TMEM184B: variants seen among roughly 807,000 people sequenced by gnomAD.
The protein encoded by TMEM184B is transmembrane protein 184B.
In TMEM184B, 17 loss-of-function variants were observed where a neutral mutation model predicts 41.8. That is an observed-to-expected ratio of 0.41 (90% confidence interval 0.28 to 0.61). The LOEUF (loss-of-function observed/expected upper bound fraction) is 0.61, where lower values mean the gene tolerates loss of function less well. Ranked by LOEUF, TMEM184B falls within the 20% of genes least tolerant of loss-of-function variation. The pLI is 0.34. For missense variants in TMEM184B, 393 were observed against 557.8 expected (o/e 0.70, Z 2.98); for synonymous variants, 240 against 229.5 (o/e 1.05, Z -0.41).
chr22:38,226,780 C>CA lies in TMEM184B; in HGVS notation c.615dup (p.Asp206Ter), dbSNP rs1413804330. ...CCCCGGGGAGCACCCGCTGCTTACT[C>CA]AAAGTCCCCATCCCGGTACTTGCCG... On this transcript the variant is annotated frameshift_variant and splice_region_variant, in exon 6 of 9. Coordinates refer to ENST00000361906, the MANE Select transcript of TMEM184B (RefSeq NM_012264.5). LOFTEE classifies it high-confidence loss of function. This position sits in a 1 kb window ranked among gnomAD's most constrained non-coding sequence, Gnocchi z 4.6. 6.3e-7 allele frequency: 1 copy of CA among 1,598,198 alleles called. No homozygotes were observed. Among genetic ancestry groups the CA allele is most frequent in the Admixed American group, 1.7e-5 (1 of 57,556 alleles).
At chr22:38,272,296 G>C (rs1419887700) in intron 1 of TMEM184B, among the ~76,000 whole-genome samples, 2 of 152,162 alleles carry the variant, frequency 1.3e-5, no homozygotes. Flanking sequence ...GAAGGATACA[G>C]ACACCCAAAA....
At position 38,226,533 on chromosome 22, in the gene TMEM184B, C is replaced by T. The variant is rs2091444927; in HGVS notation, c.617+246G>A. The T allele has an allele frequency of 2.2e-6, 1 of 459,196 alleles. No individual in the cohort carries two copies. The highest frequency in any genetic ancestry group is 4.1e-6 in the Non-Finnish European group (1 of 245,606). 28.4% of individuals were successfully genotyped at this position (459,196 alleles called of 1,614,324 possible). ...GTCACTGTCCCTTTGTGGCCCATCC[C>T]TTCATGGTACCACTCTGCAGCCTGG... On this transcript the variant is annotated intron_variant, in intron 6 of 8. Coordinates refer to ENST00000361906, the MANE Select transcript of TMEM184B (RefSeq NM_012264.5). This position sits in a 1 kb window ranked among gnomAD's most constrained non-coding sequence, Gnocchi z 4.6.
intron 1 of TMEM184B, among the ~76,000 whole-genome samples, chr22:38,259,616 A>G (rs559912408): frequency 3.1e-4 from 47 of 152,284 alleles, no homozygotes; most frequent in African/African-American, 1.1e-3. Flanking sequence ...GAGGCAGGGA[A>G]ATAATTCTCC....
intron 1 of TMEM184B, among the ~76,000 whole-genome samples, chr22:38,262,073 G>A (rs1432289952): frequency 2.6e-5 from 4 of 152,200 alleles, no homozygotes; most frequent in Non-Finnish European, 4.4e-5. Flanking sequence ...GAACTCCTAC[G>A]CAGCAGAGAA....
In TMEM184B at chr22:38,220,307, C is replaced by A; in HGVS notation, c.*1162G>T. On this transcript the variant is annotated 3_prime_UTR_variant, in exon 9 of 9. Coordinates refer to ENST00000361906, the MANE Select transcript of TMEM184B (RefSeq NM_012264.5). ...CACTGCAGGATCCTGCGAGTGCCAG[C>A]AGCTGAACTAAGAGCCCCAGGGAGC... is the stretch of plus-strand genomic sequence containing the variant. 1 of 986,086 alleles carries A rather than the reference C, an allele frequency of 1.0e-6. No individual in the cohort carries two copies. Among genetic ancestry groups the A allele is most frequent in the Non-Finnish European group, 1.2e-6 (1 of 830,134 alleles). The allele number at this position is 986,086 out of a possible 1,614,324, so 61.1% of individuals were successfully genotyped here. A position where few individuals can be genotyped will look rare whatever the true frequency, so the allele number is the denominator to read the frequency against.
rs920471422 is a variant in TMEM184B at position 38,226,142 on chromosome 22, T to C, written c.618-549A>G. Among the ~76,000 whole-genome samples, 114 of 151,544 alleles carry C rather than the reference T, an allele frequency of 7.5e-4. 2 individuals are homozygous for C. The highest frequency in any genetic ancestry group is 2.6e-3 in the African/African-American group (108 of 41,262). On this transcript the variant is annotated intron_variant, in intron 6 of 8. Transcript: ENST00000361906. The surrounding 1 kb of genome is among the most constrained non-coding windows in gnomAD (Gnocchi z 4.6). ...TCACCCAGGCTAGAGTGCAATGGCG[T>C]GATCTTGGCTCACCGCAACCTCTGC...
chr22:38,218,826 C>A (rs961270836), downstream of TMEM184B, among the ~76,000 whole-genome samples: 12 of 152,340 alleles, frequency 7.9e-5, no homozygotes, highest in African/African-American at 2.9e-4. Context: ...CAAGCCAGGC[C>A]CCAAGAAGGC....
At chr22:38,244,241 G>A (rs997919981) in intron 3 of TMEM184B, among the ~76,000 whole-genome samples, 5 of 152,074 alleles carry the variant, frequency 3.3e-5, no homozygotes, top group African/African-American at 9.7e-5. Flanking sequence ...AGCTGCTTGG[G>A]GGATGAGCAT....
chr22:38,225,413 A>G lies in TMEM184B; in HGVS notation c.787+11T>C. On this transcript the variant is annotated intron_variant, in intron 7 of 8. Transcript: ENST00000361906. This position sits in a 1 kb window ranked among gnomAD's most constrained non-coding sequence, Gnocchi z 4.4. ...GCATGGGCAGCCTCCAGGTGCTGGG[A>G]GGGGGCTCACCTTGCCAGAAGGAAA... 1.3e-6 allele frequency: 2 copies of G among 1,547,004 alleles called. No individual in the cohort carries two copies. The highest frequency in any genetic ancestry group is 1.2e-5 in the South Asian group (1 of 80,850).
chr22:38,268,667 C>T (rs1186677768), intron 1 of TMEM184B, among the ~76,000 whole-genome samples: 4 of 152,258 alleles, frequency 2.6e-5, no homozygotes, highest in Admixed American at 1.3e-4. Context: ...ACTCAGACCT[C>T]TGCTTTGCAT....
chr22:38,267,164 TG>T (rs1326734922), intron 1 of TMEM184B, among the ~76,000 whole-genome samples: 1 of 152,008 alleles, frequency 6.6e-6, no homozygotes, highest in African/African-American at 2.4e-5. Context: ...GAGATCAACG[TG>T]GCAAACTTTT....
chr22:38,221,984 C>G, intron 8 of TMEM184B: 1 of 514,508 alleles, frequency 1.9e-6, no homozygotes, highest in Non-Finnish European at 3.5e-6. Context: ...AGGGAAGGGA[C>G]CCAGGGTGGA....
chr22:38,226,342 A>G lies in TMEM184B; in HGVS notation c.617+437T>C. The G allele has an allele frequency of 6.0e-6, 1 of 165,454 alleles. No homozygotes were observed. Among genetic ancestry groups the G allele is most frequent in the Non-Finnish European group, 1.3e-5 (1 of 75,704 alleles). 10.2% of individuals were successfully genotyped at this position (165,454 alleles called of 1,614,324 possible). The stretch of plus-strand genomic sequence containing the variant: ...GTGATCTACCCGCGTTGGCCTCCCA[A>G]AGTGCTAGGATTACAGGCGTGAACC... On this transcript the variant is annotated intron_variant, in intron 6 of 8. Coordinates refer to ENST00000361906, the MANE Select transcript of TMEM184B (RefSeq NM_012264.5). The surrounding 1 kb of genome is among the most constrained non-coding windows in gnomAD (Gnocchi z 4.6).
intron 1 of TMEM184B, among the ~76,000 whole-genome samples, chr22:38,249,839 C>T (rs982775593): frequency 2.6e-5 from 4 of 152,226 alleles, no homozygotes; most frequent in Admixed American, 2.6e-4. Flanking sequence ...TGGTCAGTGC[C>T]ATCCAGCAAA....
intron 1 of TMEM184B, among the ~76,000 whole-genome samples, chr22:38,266,584 C>G (rs1004156113): frequency 6.6e-6 from 1 of 152,226 alleles, no homozygotes; most frequent in African/African-American, 2.4e-5. Context: ...TGTTTTAGAA[C>G]TTCTCTGATT....
chr22:38,252,038 G>T (rs926950503), intron 1 of TMEM184B, among the ~76,000 whole-genome samples: 1 of 151,858 alleles, frequency 6.6e-6, no homozygotes, highest in Non-Finnish European at 1.5e-5. Flanking sequence ...TGGGACCACA[G>T]GCATGTGCCA....
Position 38,246,104 on chromosome 22 carries a change from G to C in TMEM184B, c.193-4C>G, listed in dbSNP as rs890237532. 1 of 1,608,392 alleles carries C rather than the reference G, an allele frequency of 6.2e-7. No homozygotes were observed. The highest frequency in any genetic ancestry group is 1.7e-5 in the Admixed American group (1 of 59,994). On this transcript the variant is annotated splice_polypyrimidine_tract_variant and splice_region_variant and intron_variant, in intron 2 of 8. Coordinates refer to ENST00000361906, the MANE Select transcript of TMEM184B (RefSeq NM_012264.5). ...AGCAGCGCAGGTGCATGTAGATCTG[G>C]GGGCAGAGGTGTGGGGTCAGCTGGG... is the stretch of plus-strand genomic sequence containing the variant.
At chr22:38,221,836 C>G (rs945824910) in intron 8 of TMEM184B, 126 bp from the exon 9 acceptor site, 42 of 1,345,558 alleles carry the variant, frequency 3.1e-5, no homozygotes, top group Non-Finnish European at 3.6e-5. Flanking sequence ...TCAACCATCC[C>G]TTCTGGGACA....
intron 3 of TMEM184B, among the ~76,000 whole-genome samples, chr22:38,243,098 C>T (rs1569034196): frequency 6.7e-6 from 1 of 149,676 alleles, no homozygotes; most frequent in East Asian, 2.0e-4. Flanking sequence ...GCCTGAACTT[C>T]ACTGCAGCTG....
Sources: gnomAD v4.1 joint callset for allele counts (sites outside exome capture counted in the v4.1 genomes callset) on GRCh38, gnomAD v4.1.1 for gene constraint, Gnocchi (gnomAD v3.1) non-coding constraint, MANE v1.5 for transcripts, NCBI Gene and HGNC (gene_info 2026-07-23, HGNC 2026-07-21) for gene names.